The following AKAP7 variants were observed in gnomAD, a reference collection of about 807,000 sequenced individuals.
The protein encoded by AKAP7 is A kinase (PRKA) anchor protein 7.
A neutral mutation model predicts 39.5 loss-of-function variants in AKAP7; 39 were observed. The ratio of observed to expected loss-of-function variants is 0.99; its 90% CI spans 0.76 to 1.29. AKAP7 has a LOEUF of 1.29. AKAP7 is among the 50% of genes most tolerant of loss of function. AKAP7 has a pLI of 0.00. For missense variants in AKAP7, 414 were observed against 407.7 expected (o/e 1.02, Z -0.13); for synonymous variants, 140 against 139.1 (o/e 1.01, Z -0.05).
At chr6:131,211,174 A>T (rs1272552643) in intron 6 of AKAP7, among the ~76,000 whole-genome samples, 1 of 152,190 alleles carries the variant, frequency 6.6e-6, no homozygotes, top group East Asian at 1.9e-4. Flanking sequence ...GGTAGCACCC[A>T]GTGGGTATAG....
the AKAP7 span, among the ~76,000 whole-genome samples, chr6:131,128,184 T>C: frequency 6.6e-6 from 1 of 152,050 alleles, no homozygotes; most frequent in Non-Finnish European, 1.5e-5. Context: ...AAAAATATAA[T>C]AAAATAATGG....
intron 7 of AKAP7, among the ~76,000 whole-genome samples, chr6:131,231,162 G>A (rs1406553485): frequency 1.3e-5 from 2 of 152,130 alleles, no homozygotes; most frequent in Non-Finnish European, 2.9e-5. Flanking sequence ...GAATTGGTTT[G>A]ATAACTCTCT....
intron 5 of AKAP7, among the ~76,000 whole-genome samples, chr6:131,171,725 A>T (rs77586468): frequency 1.3e-5 from 2 of 152,098 alleles, no homozygotes; most frequent in Non-Finnish European, 2.9e-5. Flanking sequence ...CTCAAGTACT[A>T]TGTAGGATTT....
chr6:131,279,321 T>G (rs9492890), intron 7 of AKAP7, among the ~76,000 whole-genome samples: 2,683 of 152,204 alleles, frequency 0.018, 75 homozygotes, highest in African/African-American at 0.059. Context: ...CAGGCCGGAG[T>G]GCAGTTGCAC....
chr6:131,198,440 T>C (rs2128280185), intron 5 of AKAP7, among the ~76,000 whole-genome samples: 1 of 152,336 alleles, frequency 6.6e-6, no homozygotes, highest in East Asian at 1.9e-4. Context: ...ATAAATATCC[T>C]TGGGCATTGT....
chr6:131,171,100 T>A (rs1048245398), intron 5 of AKAP7, among the ~76,000 whole-genome samples: 1 of 152,032 alleles, frequency 6.6e-6, no homozygotes. Flanking sequence ...TATACTTGAG[T>A]AGGAAGAATT....
At chr6:131,196,412 C>T (rs545690452) in intron 5 of AKAP7, among the ~76,000 whole-genome samples, 81 of 151,856 alleles carry the variant, frequency 5.3e-4, no homozygotes, top group Middle Eastern at 6.3e-3. Context: ...ATTACAGGCA[C>T]GCCATCACAC....
At chr6:131,241,619 G>GTATATACGTATATATA (rs1562238108) in intron 7 of AKAP7, among the ~76,000 whole-genome samples, 1 of 70,976 alleles carries the variant, frequency 1.4e-5, no homozygotes, top group African/African-American at 5.3e-5. Flanking sequence ...GTGTGTGTGT[G>GTATATACGTATATATA]TGTGTGTGTA....
intron 7 of AKAP7, among the ~76,000 whole-genome samples, chr6:131,256,630 A>C (rs1406570686): frequency 7.1e-6 from 1 of 141,802 alleles, no homozygotes; most frequent in East Asian, 1.9e-4. Context: ...GCCATGAAAG[A>C]AGCAGCAGGA....
At position 131,136,829 on chromosome 6, in the gene AKAP7, A is replaced by T. The variant is rs374255386; in HGVS notation, c.19+1047A>T. ...CTTGTTGATTTCTACGCAGCTGTCA[A>T]CATTTACTAACGTGTAAGATGCTAA... On this transcript the variant is annotated intron_variant, in intron 1 of 7. Coordinates refer to ENST00000431975, the MANE Select transcript of AKAP7 (RefSeq NM_016377.4). 1.1e-4 allele frequency: 108 copies of T among 984,862 alleles called. No individual in the cohort carries two copies. The African/African-American group carries it at 1.6e-3, about 15-fold the overall frequency. The allele number at this position is 984,862 out of a possible 1,614,324, so 61.0% of individuals were successfully genotyped here. A position where few individuals can be genotyped will look rare whatever the true frequency, so the allele number is the denominator to read the frequency against.
At position 131,266,915 on chromosome 6, in the gene AKAP7, G is replaced by T. The variant is rs1813847739; in HGVS notation, c.851-14615G>T. ...TTGACAGATTGATTAGTATTCACAA[G>T]CAAGATGTACTGACCAAATATTTCT... On this transcript the variant is annotated intron_variant, in intron 7 of 7. Coordinates refer to ENST00000431975, the MANE Select transcript of AKAP7 (RefSeq NM_016377.4). Among the ~76,000 whole-genome samples, 6 of 152,190 alleles carry T rather than the reference G, an allele frequency of 3.9e-5. No individual in the cohort carries two copies. The South Asian group carries it at 1.2e-3, about 32-fold the overall frequency.
At chr6:131,233,600 A>T (rs1469302484) in intron 7 of AKAP7, among the ~76,000 whole-genome samples, 1 of 152,150 alleles carries the variant, frequency 6.6e-6, no homozygotes, top group East Asian at 1.9e-4. Context: ...CTTAAGAGTG[A>T]CTTATGGTAG....
rs1025774561 is a variant in AKAP7 at position 131,232,960 on chromosome 6, T to C, written c.850+13152T>C. 4.5e-5 allele frequency among the ~76,000 whole-genome samples: 5 copies of C among 111,450 alleles called. No individual in the cohort carries two copies. The South Asian group carries it at 1.0e-3, about 23-fold the overall frequency. 73.1% of individuals were successfully genotyped at this position (111,450 alleles called of 152,430 possible). On this transcript the variant is annotated intron_variant, in intron 7 of 7. Coordinates refer to ENST00000431975, the MANE Select transcript of AKAP7 (RefSeq NM_016377.4). ...TATTAAAGATTTGCATTATTCCTAA[T>C]GCTTTCCTTATTGGCGTGTGATCAA...
chr6:131,162,522 G>A (rs1438054114), intron 3 of AKAP7, among the ~76,000 whole-genome samples: 1 of 152,130 alleles, frequency 6.6e-6, no homozygotes, highest in Non-Finnish European at 1.5e-5. Context: ...ACCTCCTTTA[G>A]ATGACTATTT....
At chr6:131,198,304 AATTGATTT>A (rs1357336227) in intron 5 of AKAP7, among the ~76,000 whole-genome samples, 1 of 152,144 alleles carries the variant, frequency 6.6e-6, no homozygotes, top group Non-Finnish European at 1.5e-5. Flanking sequence ...ACTTTTGATT[AATTGATTT>A]ATCTTTTCAA....
intron 7 of AKAP7, among the ~76,000 whole-genome samples, chr6:131,241,619 G>GTATATACGTATATATATA (rs1562238108): frequency 1.4e-5 from 1 of 70,976 alleles, no homozygotes; most frequent in African/African-American, 5.3e-5. Context: ...GTGTGTGTGT[G>GTATATACGTATATATATA]TGTGTGTGTA....
chr6:131,140,014 A>T (rs1800895520), intron 1 of AKAP7, among the ~76,000 whole-genome samples: 1 of 152,192 alleles, frequency 6.6e-6, no homozygotes, highest in African/African-American at 2.4e-5. Context: ...GTTTTCCCTG[A>T]CGGTAGAGGT....
chr6:131,258,563 A>G (rs1813050462), intron 7 of AKAP7, among the ~76,000 whole-genome samples: 1 of 152,216 alleles, frequency 6.6e-6, no homozygotes, highest in Non-Finnish European at 1.5e-5. Flanking sequence ...TTCTGTGACT[A>G]ACATTCATAA....
At chr6:131,260,896 A>T (rs964442450) in intron 7 of AKAP7, among the ~76,000 whole-genome samples, 8 of 152,160 alleles carry the variant, frequency 5.3e-5, no homozygotes, top group Non-Finnish European at 1.5e-5. Flanking sequence ...TATAGTCACT[A>T]TTAAATGAAT....
Sources: allele counts gnomAD v4.1 joint callset (sites outside exome capture counted in the v4.1 genomes callset), GRCh38; gene constraint gnomAD v4.1.1; transcripts MANE v1.5; gene names NCBI Gene and HGNC (gene_info 2026-07-23, HGNC 2026-07-21).